Variants in WWOX observed in about 807,000 individuals in gnomAD.
WWOX encodes WW domain containing oxidoreductase.
WWOX carries 69 observed loss-of-function variants against 46.2 expected under a neutral mutation model. That is an observed-to-expected ratio of 1.49 (90% CI 1.23 to 1.82). The LOEUF is 1.82. WWOX is among the 40% of genes most tolerant of loss of function. The pLI, the probability that WWOX is intolerant of heterozygous loss-of-function variation, is 0.00. For synonymous variants in WWOX, 359 were observed against 202.6 expected, an observed-to-expected ratio of 1.77 and a Z score of -6.56; for missense variants, 919 against 542.6, an observed-to-expected ratio of 1.69 and a Z score of -6.89.
chr16:78,509,256 T>A (rs1387566709), intron 8 of WWOX, among the ~76,000 whole-genome samples: 1 of 152,174 alleles, frequency 6.6e-6, no homozygotes, highest in East Asian at 1.9e-4. Context: ...CTGGCCAACA[T>A]GGCAAAACCC....
At chr16:79,057,587 G>C (rs979474237) in intron 8 of WWOX, among the ~76,000 whole-genome samples, 4 of 152,076 alleles carry the variant, frequency 2.6e-5, no homozygotes, top group African/African-American at 4.8e-5. Context: ...GTGATTTTGG[G>C]GGGGGCACCA....
intron 5 of WWOX, among the ~76,000 whole-genome samples, chr16:78,309,430 CA>C (rs1430139379): frequency 2.0e-5 from 3 of 152,096 alleles, no homozygotes; most frequent in Non-Finnish European, 2.9e-5. Flanking sequence ...TTCTTGGTAG[CA>C]ATGTGAGAAT....
intron 8 of WWOX, among the ~76,000 whole-genome samples, chr16:78,606,531 C>G (rs1481978551): frequency 2.0e-5 from 3 of 151,986 alleles, no homozygotes; most frequent in African/African-American, 7.3e-5. Context: ...ATGAGCCCCT[C>G]TGAACAAAAG....
rs111922925 is a variant in WWOX, at chr16:78,286,466, A to G, written c.517-100394A>G. On this transcript the variant is annotated intron_variant, in intron 5 of 8. Transcript: ENST00000566780. ...AGCTTAATAATACTGTGATTCAGTG[A>G]AAACTTAACATGCGATAAAAATTAC... Among the ~76,000 whole-genome samples the G allele has an allele frequency of 1.8e-3, 275 of 152,376 alleles. 1 individual carries two copies. Among genetic ancestry groups the G allele is most frequent in the African/African-American group, 6.2e-3 (256 of 41,584 alleles).
chr16:78,996,383 C>CTT, intron 8 of WWOX: 2 of 735,722 alleles, frequency 2.7e-6, no homozygotes, highest in Non-Finnish European at 3.2e-6. Flanking sequence ...CCCACCCCCG[C>CTT]CCCCCAGCTT....
At chr16:78,829,764 A>G (rs575039844) in intron 8 of WWOX, among the ~76,000 whole-genome samples, 1 of 152,216 alleles carries the variant, frequency 6.6e-6, no homozygotes, top group Non-Finnish European at 1.5e-5. Context: ...GAGTATCCCA[A>G]GATCCTACAG....
At chr16:79,187,440 AC>A in intron 8 of WWOX, among the ~76,000 whole-genome samples, 1 of 152,270 alleles carries the variant, frequency 6.6e-6, no homozygotes, top group South Asian at 2.1e-4. Flanking sequence ...TCGCTCTGTC[AC>A]CCAGGCTGGA....
chr16:78,418,385 A>T (rs1292217462), intron 6 of WWOX, among the ~76,000 whole-genome samples: 1 of 151,954 alleles, frequency 6.6e-6, no homozygotes, highest in African/African-American at 2.4e-5. Flanking sequence ...AAAAAAAAGA[A>T]TTAATATCAA....
intron 8 of WWOX, among the ~76,000 whole-genome samples, chr16:78,841,667 C>G (rs942887725): frequency 1.3e-5 from 2 of 152,038 alleles, no homozygotes; most frequent in Non-Finnish European, 1.5e-5. Flanking sequence ...GAATCCAAAC[C>G]TATAAGTAGG....
At chr16:79,199,946 G>T (rs1308297793) in intron 8 of WWOX, among the ~76,000 whole-genome samples, 1 of 152,178 alleles carries the variant, frequency 6.6e-6, no homozygotes, top group Admixed American at 6.5e-5. Context: ...CCATTGTCAT[G>T]AGTTCATCAT....
chr16:78,385,840 G>C (rs1248147104), intron 5 of WWOX, among the ~76,000 whole-genome samples: 1 of 152,116 alleles, frequency 6.6e-6, no homozygotes, highest in Non-Finnish European at 1.5e-5. Context: ...TGTGTTCTTG[G>C]GTTTTTTGTC....
In WWOX at chr16:78,517,644, C is replaced by T. The variant is rs547900471; in HGVS notation, c.1056+84892C>T. Among the ~76,000 whole-genome samples, 9 of 152,200 alleles carry T rather than the reference C, an allele frequency of 5.9e-5. 1 individual carries two copies. The South Asian group carries it at 1.9e-3, about 32-fold the overall frequency. Reference sequence around the variant, plus strand: ...CCACATCTGTCAAAAGTCCTCAGCGCTCCCCGCAATCCATGTCTGGTGGAA... The same window carrying T: ...CCACATCTGTCAAAAGTCCTCAGCGTTCCCCGCAATCCATGTCTGGTGGAA... On this transcript the variant is annotated intron_variant, in intron 8 of 8. Transcript: ENST00000566780.
At chr16:78,558,257 G>A (rs1275324245) in intron 8 of WWOX, among the ~76,000 whole-genome samples, 2 of 152,226 alleles carry the variant, frequency 1.3e-5, no homozygotes, top group Non-Finnish European at 2.9e-5. Context: ...AGTGCCTGGA[G>A]TCTCCATCCT....
intron 8 of WWOX, among the ~76,000 whole-genome samples, chr16:78,655,922 C>G (rs2047069796): frequency 6.6e-6 from 1 of 152,060 alleles, no homozygotes; most frequent in Admixed American, 6.5e-5. Flanking sequence ...GCGTGGTTAT[C>G]TTTGTGCATC....
At chr16:78,984,176 C>A (rs113727692) in intron 8 of WWOX, among the ~76,000 whole-genome samples, 14,093 of 152,074 alleles carry the variant, frequency 0.093, 801 homozygotes, top group East Asian at 0.21. Flanking sequence ...TCGCGCCCGG[C>A]CAGAGGGCTA....
At chr16:78,737,328 G>A (rs2049115098) in intron 8 of WWOX, among the ~76,000 whole-genome samples, 1 of 151,446 alleles carries the variant, frequency 6.6e-6, no homozygotes, top group East Asian at 1.9e-4. Flanking sequence ...TACAGATGCG[G>A]TTTCATCATG....
intron 8 of WWOX, among the ~76,000 whole-genome samples, chr16:78,991,681 C>G (rs928090627): frequency 6.6e-6 from 1 of 151,526 alleles, no homozygotes; most frequent in African/African-American, 2.4e-5. Context: ...CTCAGAACCT[C>G]AGTTTCCTTT....
At chr16:78,654,577 G>T (rs576199762) in intron 8 of WWOX, among the ~76,000 whole-genome samples, 1 of 152,078 alleles carries the variant, frequency 6.6e-6, no homozygotes, top group African/African-American at 2.4e-5. Context: ...TGATTTCTCC[G>T]TGATATAAAT....
chr16:78,187,024 C>G (rs940639574), intron 5 of WWOX, among the ~76,000 whole-genome samples: 1 of 152,146 alleles, frequency 6.6e-6, no homozygotes, highest in Admixed American at 6.5e-5. Context: ...GTGTGTAGTT[C>G]TATGAAAAGT....
Sources: gnomAD v4.1 joint callset for allele counts (sites outside exome capture counted in the v4.1 genomes callset) on GRCh38, gnomAD v4.1.1 for gene constraint, MANE v1.5 for transcripts, NCBI Gene and HGNC (gene_info 2026-07-23, HGNC 2026-07-21) for gene names.